DLG2: variants seen among roughly 807,000 people sequenced by gnomAD.
DLG2 encodes the protein discs large MAGUK scaffold protein 2.
In DLG2, 45 loss-of-function variants were observed where a neutral mutation model predicts 132.5. The observed-to-expected ratio is 0.34, with a 90% CI of 0.27 to 0.44. The LOEUF is 0.44. Ranked by LOEUF, DLG2 falls within the 20% of genes least tolerant of loss-of-function variation. The pLI, the probability that DLG2 is intolerant of heterozygous loss-of-function variation, is 1.00. For missense variants in DLG2, 1,045 were observed against 1,196.9 expected, an observed-to-expected ratio of 0.87 and a Z score of 1.87; for synonymous variants, 424 against 419.6, an observed-to-expected ratio of 1.01 and a Z score of -0.13.
intron 6 of DLG2, among the ~76,000 whole-genome samples, chr11:85,098,879 C>A (rs1055735149): frequency 1.3e-5 from 2 of 152,142 alleles, no homozygotes; most frequent in Non-Finnish European, 2.9e-5. Context: ...AATGTTTGTA[C>A]ATATTTTCCC....
intron 11 of DLG2, among the ~76,000 whole-genome samples, chr11:84,042,710 G>T (rs1351058054): frequency 1.3e-5 from 2 of 151,724 alleles, no homozygotes; most frequent in Admixed American, 1.3e-4. Flanking sequence ...ACCATAAAAA[G>T]GAATGAGATC....
intron 7 of DLG2, among the ~76,000 whole-genome samples, chr11:84,363,538 T>G (rs1401796583): frequency 1.1e-4 from 16 of 151,936 alleles, no homozygotes; most frequent in Admixed American, 2.6e-4. Context: ...GTCAATTTTG[T>G]CTTCTGTTGC....
intron 6 of DLG2, among the ~76,000 whole-genome samples, chr11:84,636,362 G>A (rs1473953695): frequency 1.3e-5 from 2 of 152,172 alleles, no homozygotes; most frequent in African/African-American, 4.8e-5. Context: ...TGACATTGAA[G>A]TTAAGGAGAC....
At chr11:84,221,647 A>G (rs1284430397) in intron 8 of DLG2, among the ~76,000 whole-genome samples, 1 of 152,138 alleles carries the variant, frequency 6.6e-6, no homozygotes, top group East Asian at 1.9e-4. Flanking sequence ...ATCATGTCAG[A>G]TCCTATTATC....
intron 7 of DLG2, among the ~76,000 whole-genome samples, chr11:84,527,432 A>T (rs2099324708): frequency 6.6e-6 from 1 of 152,056 alleles, no homozygotes; most frequent in South Asian, 2.1e-4. Flanking sequence ...TAATTTCTCA[A>T]ATGTGCATTG....
intron 7 of DLG2, among the ~76,000 whole-genome samples, chr11:84,378,460 G>C (rs2154433007): frequency 6.6e-6 from 1 of 152,188 alleles, no homozygotes; most frequent in Middle Eastern, 3.4e-3. Context: ...GTAATATTTA[G>C]TCATAGCAGC....
At chr11:85,222,580 G>T (rs886667857) in intron 4 of DLG2, among the ~76,000 whole-genome samples, 6 of 152,176 alleles carry the variant, frequency 3.9e-5, no homozygotes, top group Admixed American at 2.0e-4. Flanking sequence ...GATAAGGAAA[G>T]TGAGTCCCCA....
intron 7 of DLG2, chr11:84,273,322 A>AG (rs2097755064): frequency 1.4e-6 from 2 of 1,403,082 alleles, no homozygotes; most frequent in African/African-American, 3.0e-5. Flanking sequence ...AAAAAAAAAA[A>AG]AAAAAAACCC....
chr11:83,521,040 G>A (rs897490013), intron 21 of DLG2, among the ~76,000 whole-genome samples: 1 of 152,212 alleles, frequency 6.6e-6, no homozygotes, highest in Non-Finnish European at 1.5e-5. Flanking sequence ...CATGGGCAAA[G>A]GCTCAGGCGT....
intron 6 of DLG2, among the ~76,000 whole-genome samples, chr11:84,619,111 AC>A (rs1360127238): frequency 1.3e-5 from 2 of 151,958 alleles, no homozygotes; most frequent in African/African-American, 4.8e-5. Context: ...CAAACAAAAA[AC>A]ATTGACAAAA....
At chr11:85,332,994 T>C (rs1250217922) in intron 3 of DLG2, among the ~76,000 whole-genome samples, 1 of 152,224 alleles carries the variant, frequency 6.6e-6, no homozygotes, top group African/African-American at 2.4e-5. Flanking sequence ...AAAAATGTCA[T>C]TGCTAGTTTG....
intron 3 of DLG2, among the ~76,000 whole-genome samples, chr11:85,350,004 T>A (rs1330411233): frequency 6.6e-6 from 1 of 152,268 alleles, no homozygotes; most frequent in Admixed American, 6.5e-5. Context: ...TCCACAATAG[T>A]TGAACTAATT....
At chr11:84,277,396 C>G (rs1383612966) in intron 7 of DLG2, among the ~76,000 whole-genome samples, 1 of 151,866 alleles carries the variant, frequency 6.6e-6, no homozygotes, top group Non-Finnish European at 1.5e-5. Context: ...TATAATAGGA[C>G]TAAGTTGAAA....
Position 85,416,658 on chromosome 11 carries a change from G to A in DLG2, c.41-131293C>T, listed in dbSNP as rs150805362. On this transcript the variant is annotated intron_variant, in intron 3 of 27. Coordinates refer to ENST00000376104, the MANE Select transcript of DLG2 (RefSeq NM_001142699.3). ...AGTTCTCCTTGAAGAGGTCCTTCCCGTCCCTTGTAAGATGTATTCCTAGGG... is the reference window on the plus strand; with the variant it reads ...AGTTCTCCTTGAAGAGGTCCTTCCCATCCCTTGTAAGATGTATTCCTAGGG... Among the ~76,000 whole-genome samples the A allele has an allele frequency of 9.3e-3, 1,420 of 151,970 alleles. 17 individuals are homozygous for A. The highest frequency in any genetic ancestry group is 0.031 in the African/African-American group (1,278 of 41,468).
At chr11:83,759,737 A>G (rs1267139563) in intron 18 of DLG2, among the ~76,000 whole-genome samples, 1 of 152,168 alleles carries the variant, frequency 6.6e-6, no homozygotes, top group African/African-American at 2.4e-5. Context: ...AAATGGAGAA[A>G]GATCTCTGCA....
chr11:83,953,776 G>C (rs1012892984), intron 14 of DLG2, among the ~76,000 whole-genome samples: 60 of 152,142 alleles, frequency 3.9e-4, no homozygotes, highest in East Asian at 5.8e-4. Context: ...TCCTCTTTCA[G>C]TGTCATACAG....
intron 10 of DLG2, among the ~76,000 whole-genome samples, chr11:84,075,000 T>G (rs1359686160): frequency 2.0e-5 from 3 of 152,192 alleles, no homozygotes; most frequent in Non-Finnish European, 4.4e-5. Flanking sequence ...CCCCTAGCTC[T>G]GTCTCCTAGC....
chr11:84,842,085 T>C (rs890192359), intron 6 of DLG2, among the ~76,000 whole-genome samples: 1 of 152,034 alleles, frequency 6.6e-6, no homozygotes, highest in African/African-American at 2.4e-5. Context: ...ACCAATATCA[T>C]ATAACACATC....
intron 18 of DLG2, among the ~76,000 whole-genome samples, chr11:83,767,631 C>T (rs2094199242): frequency 6.6e-6 from 1 of 152,186 alleles, no homozygotes; most frequent in Non-Finnish European, 1.5e-5. Context: ...TTTGTTTCTT[C>T]ATCTCTGAAA....
Sources: allele counts gnomAD v4.1 joint callset (sites outside exome capture counted in the v4.1 genomes callset), GRCh38; gene constraint gnomAD v4.1.1; transcripts MANE v1.5; gene names NCBI Gene and HGNC (gene_info 2026-07-23, HGNC 2026-07-21).